Variants in CTDSPL observed in about 807,000 individuals in gnomAD.
CTDSPL encodes CTD small phosphatase-like protein.
Under a neutral mutation model 30.5 loss-of-function variants are expected in CTDSPL, and 8 were observed. The ratio of observed to expected loss-of-function variants is 0.26; its 90% confidence interval spans 0.15 to 0.47. CTDSPL has a LOEUF of 0.47. Ranked by LOEUF, CTDSPL falls within the 20% of genes least tolerant of loss-of-function variation. CTDSPL has a pLI of 0.99. For missense variants in CTDSPL, 248 were observed against 366.1 expected (o/e 0.68, Z 2.63); for synonymous variants, 110 against 137.9 (o/e 0.80, Z 1.42).
chr3:37,925,883 C>G (rs2125612661), intron 1 of CTDSPL, among the ~76,000 whole-genome samples: 1 of 152,308 alleles, frequency 6.6e-6, no homozygotes, highest in East Asian at 1.9e-4. Flanking sequence ...AACCTCTTCC[C>G]TGCTTTGCTT....
At chr3:37,980,665 C>T (rs1219393054) in intron 7 of CTDSPL, 77 bp from the exon 8 acceptor site, 12 of 1,547,858 alleles carry the variant, frequency 7.8e-6, no homozygotes, top group Middle Eastern at 1.7e-4. Context: ...GCTCAAAGTC[C>T]GGGTACCCGG....
intron 1 of CTDSPL, among the ~76,000 whole-genome samples, chr3:37,932,835 G>T (rs77482666): frequency 0.02 from 3,020 of 152,282 alleles, 33 homozygotes; most frequent in Middle Eastern, 0.041. Flanking sequence ...TCTTCTAAGG[G>T]GATAATCTGA....
Position 37,947,136 on chromosome 3 carries a change from C to T in CTDSPL, c.159C>T (p.Tyr53=). The T allele has an allele frequency of 6.2e-7, 1 of 1,613,514 alleles. No homozygotes were observed. Among genetic ancestry groups the T allele is most frequent in the Non-Finnish European group, 8.5e-7 (1 of 1,180,006 alleles). Residue 53 remains tyrosine, a synonymous_variant, in exon 2 of 8, where the codon TAC becomes TAT. Transcript: ENST00000273179. The part of the protein sequence containing the change: ...LSSFFCCFRD[Y]NVEAPPPSSP... The stretch of plus-strand genomic sequence containing the variant: ...CCTTCTTCTGCTGCTTCCGTGATTA[C>T]AATGTGGAGGCCCCTCCACCCAGCA...
chr3:37,973,525 T>TCCAC (rs1699391710), intron 6 of CTDSPL, among the ~76,000 whole-genome samples: 1 of 152,210 alleles, frequency 6.6e-6, no homozygotes. Context: ...CGTGCAGCCT[T>TCCAC]CCACCCTCTT....
intron 1 of CTDSPL, among the ~76,000 whole-genome samples, chr3:37,913,000 G>C (rs1267358673): frequency 1.3e-5 from 2 of 152,168 alleles, no homozygotes; most frequent in Non-Finnish European, 2.9e-5. Context: ...AGTTTGATTA[G>C]AAGTAGTTTG....
intron 1 of CTDSPL, among the ~76,000 whole-genome samples, chr3:37,882,921 T>C (rs1438433108): frequency 6.6e-6 from 1 of 152,188 alleles, no homozygotes; most frequent in Non-Finnish European, 1.5e-5. Flanking sequence ...TTCCAAACAG[T>C]GTTCTACGTG....
chr3:37,883,910 A>G (rs1054398306), intron 1 of CTDSPL, among the ~76,000 whole-genome samples: 1 of 152,226 alleles, frequency 6.6e-6, no homozygotes, highest in African/African-American at 2.4e-5. Context: ...TAATGTCTGT[A>G]GAATCTATAA....
At chr3:37,906,211 A>T (rs1159413935) in intron 1 of CTDSPL, among the ~76,000 whole-genome samples, 1 of 152,042 alleles carries the variant, frequency 6.6e-6, no homozygotes, top group African/African-American at 2.4e-5. Context: ...CTAACAGGAG[A>T]TCGGAGGAAG....
chr3:37,947,599 T>C (rs540898747), intron 2 of CTDSPL, among the ~76,000 whole-genome samples: 2 of 152,302 alleles, frequency 1.3e-5, no homozygotes, highest in East Asian at 3.9e-4. Flanking sequence ...TGTGATAGTA[T>C]GTGTACAGCC....
intron 3 of CTDSPL, among the ~76,000 whole-genome samples, chr3:37,958,618 T>A (rs934565426): frequency 6.6e-6 from 1 of 152,150 alleles, no homozygotes. Context: ...CGGACCCTTT[T>A]CCCACAAATG....
chr3:37,872,155 G>A (rs1046330858), intron 1 of CTDSPL, among the ~76,000 whole-genome samples: 4 of 152,016 alleles, frequency 2.6e-5, no homozygotes, highest in Admixed American at 2.0e-4. Context: ...TGTTTTGCCT[G>A]GCTTAATGTT....
intron 1 of CTDSPL, among the ~76,000 whole-genome samples, chr3:37,925,362 G>T (rs1011993279): frequency 6.6e-6 from 1 of 152,154 alleles, no homozygotes; most frequent in African/African-American, 2.4e-5. Flanking sequence ...TACCCTCCAA[G>T]CATTGGTTCC....
At position 37,963,763 on chromosome 3, in the gene CTDSPL, C is replaced by T. The variant is rs13321789; in HGVS notation, c.268-808C>T. On this transcript the variant is annotated intron_variant, in intron 3 of 7. Coordinates refer to ENST00000273179, the MANE Select transcript of CTDSPL (RefSeq NM_001008392.2). ...TTAACTCTTTATGACTTCTTTATCA[C>T]GAGATTTGAGTCACCTGCTACTAAG... 2.1e-3 allele frequency among the ~76,000 whole-genome samples: 315 copies of T among 152,142 alleles called. 1 individual carries two copies. Among genetic ancestry groups the T allele is most frequent in the African/African-American group, 7.2e-3 (297 of 41,512 alleles).
rs114132807 is a variant in CTDSPL at position 37,881,642 on chromosome 3, A to G, written c.79+19364A>G. Among the ~76,000 whole-genome samples, 1,052 of 152,366 alleles carry G rather than the reference A, an allele frequency of 6.9e-3. 6 individuals carry two copies. The highest frequency in any genetic ancestry group is 0.014 in the Admixed American group (207 of 15,312). On this transcript the variant is annotated intron_variant, in intron 1 of 7. Coordinates refer to ENST00000273179, the MANE Select transcript of CTDSPL (RefSeq NM_001008392.2). ...TAACATGGCTAAAACTAAAAAATGT[A>G]ATGTTGAACAACAACAAAAAACACC...
At chr3:37,966,309 A>G (rs558013855) in intron 4 of CTDSPL, among the ~76,000 whole-genome samples, 1 of 152,328 alleles carries the variant, frequency 6.6e-6, no homozygotes, top group South Asian at 2.1e-4. Flanking sequence ...GGGCATTTCA[A>G]AGTCCTTTGA....
chr3:37,920,374 T>C (rs1403727108), intron 1 of CTDSPL, among the ~76,000 whole-genome samples: 4 of 152,232 alleles, frequency 2.6e-5, no homozygotes, highest in Non-Finnish European at 4.4e-5. Flanking sequence ...CAGAGTTGAC[T>C]TGTCTGGTGC....
intron 1 of CTDSPL, chr3:37,911,784 C>A (rs115302050): frequency 2.2e-6 from 1 of 454,436 alleles, no homozygotes; most frequent in Non-Finnish European, 4.4e-6. Flanking sequence ...GACAGCCAGG[C>A]GCGGTGGTTC....
At chr3:37,951,109 C>A (rs1382517495) in intron 2 of CTDSPL, among the ~76,000 whole-genome samples, 1 of 151,270 alleles carries the variant, frequency 6.6e-6, no homozygotes, top group East Asian at 1.9e-4. Context: ...GGCTCATTCC[C>A]GTAATCCCAG....
At chr3:37,905,241 T>C (rs1370620022) in intron 1 of CTDSPL, among the ~76,000 whole-genome samples, 2 of 152,244 alleles carry the variant, frequency 1.3e-5, no homozygotes, top group African/African-American at 4.8e-5. Flanking sequence ...AAGCCTGTTA[T>C]CCAAAGAATT....
Sources: allele counts gnomAD v4.1 joint callset (sites outside exome capture counted in the v4.1 genomes callset), GRCh38; gene constraint gnomAD v4.1.1; transcripts MANE v1.5; gene names NCBI Gene and HGNC (gene_info 2026-07-23, HGNC 2026-07-21).